STK32B: variants seen among roughly 807,000 people sequenced by gnomAD.
STK32B encodes the protein serine/threonine kinase 32B, also known as serine/threonine-protein kinase 32B.
Under a neutral mutation model 52.6 loss-of-function variants are expected in STK32B, and 43 were observed. The observed-to-expected ratio is 0.82, with a 90% CI of 0.64 to 1.05. The LOEUF (loss-of-function observed/expected upper bound fraction) is 1.05, where lower values mean the gene tolerates loss of function less well. Among genes scored for constraint, STK32B ranks in the 50% least tolerant of loss-of-function variants. The pLI is 0.00. For missense variants in STK32B, 621 were observed against 534.6 expected (o/e 1.16, Z -1.59); for synonymous variants, 238 against 204.3 (o/e 1.17, Z -1.41).
the STK32B span, among the ~76,000 whole-genome samples, chr4:5,020,088 T>G: frequency 6.6e-6 from 1 of 152,086 alleles, no homozygotes; most frequent in African/African-American, 2.4e-5. Context: ...GCCGTATGTG[T>G]GGGGAGTGTG....
At chr4:5,121,381 A>G (rs1241647414) in intron 1 of STK32B, among the ~76,000 whole-genome samples, 2 of 152,138 alleles carry the variant, frequency 1.3e-5, no homozygotes, top group Non-Finnish European at 2.9e-5. Flanking sequence ...CTTTACATGT[A>G]TTAAAAGAAT....
intron 11 of STK32B, among the ~76,000 whole-genome samples, chr4:5,476,720 G>C (rs940437288): frequency 2.6e-5 from 4 of 151,874 alleles, no homozygotes; most frequent in Non-Finnish European, 5.9e-5. Flanking sequence ...GGTTTTTGCA[G>C]AAGTATTAAG....
At chr4:5,054,561 T>C (rs1741924829) in intron 1 of STK32B, among the ~76,000 whole-genome samples, 1 of 152,114 alleles carries the variant, frequency 6.6e-6, no homozygotes, top group South Asian at 2.1e-4. Flanking sequence ...AGTATGAAGC[T>C]GAAAGGCACA....
chr4:5,373,566 C>T (rs531556121), intron 4 of STK32B, among the ~76,000 whole-genome samples: 3 of 152,310 alleles, frequency 2.0e-5, no homozygotes, highest in East Asian at 3.9e-4. Context: ...CTGCTTTACC[C>T]AGTCCACCAA....
At chr4:5,392,617 G>T (rs1048327730) in intron 4 of STK32B, among the ~76,000 whole-genome samples, 1 of 151,660 alleles carries the variant, frequency 6.6e-6, no homozygotes, top group African/African-American at 2.4e-5. Flanking sequence ...TACCTCTACC[G>T]GTGTTTGACC....
chr4:5,182,610 C>T (rs60465031), intron 3 of STK32B, among the ~76,000 whole-genome samples: 46,276 of 151,678 alleles, frequency 0.31, 7,278 homozygotes, highest in Admixed American at 0.38. Context: ...TACAGGTGGC[C>T]GCCACCATGC....
chr4:5,085,716 A>T (rs1712695112), intron 1 of STK32B, among the ~76,000 whole-genome samples: 1 of 152,216 alleles, frequency 6.6e-6, no homozygotes, highest in South Asian at 2.1e-4. Flanking sequence ...GATTAACCAA[A>T]GGCTTAGACA....
At chr4:5,232,667 C>G (rs1288115958) in intron 3 of STK32B, among the ~76,000 whole-genome samples, 1 of 152,162 alleles carries the variant, frequency 6.6e-6, no homozygotes, top group Non-Finnish European at 1.5e-5. Flanking sequence ...AGTTGGGGAG[C>G]AGTGAGTGAG....
chr4:5,042,897 G>A, the STK32B span, among the ~76,000 whole-genome samples: 1 of 151,762 alleles, frequency 6.6e-6, no homozygotes, highest in African/African-American at 2.4e-5. Flanking sequence ...ATGAGGTCAG[G>A]AGATCGAGAC....
At chr4:5,227,725 C>G (rs954598572) in intron 3 of STK32B, among the ~76,000 whole-genome samples, 1 of 152,154 alleles carries the variant, frequency 6.6e-6, no homozygotes, top group Non-Finnish European at 1.5e-5. Context: ...GAGAGAAGTA[C>G]TTTATATGTA....
chr4:5,494,186 G>A (rs1375275496), intron 11 of STK32B, among the ~76,000 whole-genome samples: 3 of 152,286 alleles, frequency 2.0e-5, no homozygotes, highest in Non-Finnish European at 4.4e-5. Flanking sequence ...GGGTGTTAAA[G>A]TCTCCCATTA....
intron 2 of STK32B, among the ~76,000 whole-genome samples, chr4:5,163,269 C>G (rs1322872177): frequency 6.6e-6 from 1 of 152,124 alleles, no homozygotes; most frequent in Non-Finnish European, 1.5e-5. Flanking sequence ...ACTGAGTTGG[C>G]AAGGCCTCTG....
At chr4:5,223,866 T>A (rs1359797437) in intron 3 of STK32B, among the ~76,000 whole-genome samples, 1 of 150,940 alleles carries the variant, frequency 6.6e-6, no homozygotes, top group Non-Finnish European at 1.5e-5. Flanking sequence ...TAAGACTTAA[T>A]GTTGTTTACC....
the STK32B span, among the ~76,000 whole-genome samples, chr4:5,036,799 CTGAGA>C: frequency 6.6e-6 from 1 of 150,880 alleles, no homozygotes; most frequent in Non-Finnish European, 1.5e-5. Flanking sequence ...TCCCAAGTAG[CTGAGA>C]TTACAGGCGC....
intron 1 of STK32B, among the ~76,000 whole-genome samples, chr4:5,056,046 T>C (rs1003809569): frequency 2.6e-5 from 4 of 151,896 alleles, no homozygotes; most frequent in African/African-American, 7.3e-5. Context: ...AGGAGGTGAG[T>C]AGCGAGTGAG....
At chr4:5,424,550 T>C (rs1712922972) in intron 6 of STK32B, among the ~76,000 whole-genome samples, 1 of 152,204 alleles carries the variant, frequency 6.6e-6, no homozygotes, top group African/African-American at 2.4e-5. Context: ...GGAGAGGAGC[T>C]ACCTGCTGTG....
At chr4:5,295,345 A>G (rs766010993) in intron 3 of STK32B, among the ~76,000 whole-genome samples, 32 of 152,166 alleles carry the variant, frequency 2.1e-4, no homozygotes, top group Non-Finnish European at 2.4e-4. Context: ...TTCAGAAGGA[A>G]TGGTACCAGT....
At position 5,470,166 on chromosome 4, in the gene STK32B, C is replaced by T. The variant is rs182522343; in HGVS notation, c.1106+2096C>T. On this transcript the variant is annotated intron_variant, in intron 11 of 11. Transcript: ENST00000282908. This position sits in a 1 kb window ranked among gnomAD's most constrained non-coding sequence, Gnocchi z 4.6. ...CCTTCCCTGTGTCATTTAGGAGTTG[C>T]GTCTGCTGCTTTTAGCAGAAACCTC... 3.3e-5 allele frequency among the ~76,000 whole-genome samples: 5 copies of T among 152,262 alleles called. No individual in the cohort carries two copies. The highest frequency in any genetic ancestry group is 6.5e-5 in the Admixed American group (1 of 15,290).
At chr4:5,371,323 G>A (rs990913781) in intron 4 of STK32B, among the ~76,000 whole-genome samples, 7 of 152,150 alleles carry the variant, frequency 4.6e-5, no homozygotes, top group African/African-American at 1.7e-4. Flanking sequence ...ATCAAAGGTA[G>A]GGGAGGAGGA....
Sources: gnomAD v4.1 joint callset for allele counts (sites outside exome capture counted in the v4.1 genomes callset) on GRCh38, gnomAD v4.1.1 for gene constraint, Gnocchi (gnomAD v3.1) non-coding constraint, MANE v1.5 for transcripts, NCBI Gene and HGNC (gene_info 2026-07-23, HGNC 2026-07-21) for gene names.